Variants in CHCHD3 observed in about 807,000 individuals in gnomAD.
CHCHD3 encodes the protein coiled-coil-helix-coiled-coil-helix domain containing 3.
CHCHD3 carries 20 observed loss-of-function variants against 38.2 expected under a neutral mutation model. The observed-to-expected ratio is 0.52, with a 90% confidence interval of 0.37 to 0.76. The LOEUF (loss-of-function observed/expected upper bound fraction) is 0.76, where lower values mean the gene tolerates loss of function less well. CHCHD3 is among the 30% of genes least tolerant of loss of function. The probability of loss-of-function intolerance (pLI) is 0.00; values close to 1 mark genes in which losing one functional copy is unlikely to be tolerated. For missense variants in CHCHD3, 245 were observed against 279.2 expected, an observed-to-expected ratio of 0.88 and a Z score of 0.87; for synonymous variants, 82 against 100.0, an observed-to-expected ratio of 0.82 and a Z score of 1.07.
At chr7:132,895,760 C>G (rs1158152415) in intron 4 of CHCHD3, among the ~76,000 whole-genome samples, 5 of 152,172 alleles carry the variant, frequency 3.3e-5, no homozygotes, top group African/African-American at 1.2e-4. Flanking sequence ...GTGAGGTCTC[C>G]CCAGCTATGT....
chr7:132,812,739 T>C (rs1441791760), intron 6 of CHCHD3, among the ~76,000 whole-genome samples: 3 of 152,124 alleles, frequency 2.0e-5, no homozygotes, highest in Non-Finnish European at 4.4e-5. Flanking sequence ...TCTTCAAGAT[T>C]TCCTACCTCT....
chr7:133,043,069 T>C (rs748875582), intron 2 of CHCHD3, among the ~76,000 whole-genome samples: 1 of 152,090 alleles, frequency 6.6e-6, no homozygotes, highest in Non-Finnish European at 1.5e-5. Context: ...GGTTTCATTA[T>C]GTTGTCCAGG....
chr7:133,021,956 G>A (rs996617863), intron 3 of CHCHD3, among the ~76,000 whole-genome samples: 4 of 151,838 alleles, frequency 2.6e-5, no homozygotes, highest in African/African-American at 4.8e-5. Flanking sequence ...GTGTGGTGGC[G>A]GGCGCCTGTA....
chr7:132,999,423 G>C (rs1348074995), intron 3 of CHCHD3, among the ~76,000 whole-genome samples: 1 of 152,114 alleles, frequency 6.6e-6, no homozygotes, highest in Non-Finnish European at 1.5e-5. Context: ...TCTGTTTATT[G>C]AGCACCTACA....
At chr7:132,915,226 G>A (rs4731919) in intron 4 of CHCHD3, among the ~76,000 whole-genome samples, 108,408 of 151,928 alleles carry the variant, frequency 0.71, 38,822 homozygotes, top group African/African-American at 0.75. Context: ...GGAAGAGAGC[G>A]GCAAGGATTT....
intron 4 of CHCHD3, among the ~76,000 whole-genome samples, chr7:132,916,887 C>A (rs1244647781): frequency 6.6e-6 from 1 of 152,056 alleles, no homozygotes; most frequent in Non-Finnish European, 1.5e-5. Flanking sequence ...GGCTACTATC[C>A]CTAATTTATA....
chr7:132,810,554 C>T (rs1020050300), intron 6 of CHCHD3, among the ~76,000 whole-genome samples: 4 of 152,228 alleles, frequency 2.6e-5, no homozygotes, highest in South Asian at 2.1e-4. Flanking sequence ...AGACCAACTA[C>T]GAAGTATAGA....
intron 2 of CHCHD3, among the ~76,000 whole-genome samples, chr7:133,063,715 T>A (rs1323585921): frequency 6.6e-6 from 1 of 152,184 alleles, no homozygotes; most frequent in African/African-American, 2.4e-5. Context: ...GTTACTAATA[T>A]CTGGGTATAT....
intron 4 of CHCHD3, 73 bp downstream of exon 4, chr7:132,975,096 G>A: frequency 1.7e-6 from 2 of 1,145,252 alleles, no homozygotes; most frequent in Non-Finnish European, 2.6e-6. Flanking sequence ...CTGGCACAGA[G>A]TACTTAGCTC....
At chr7:132,932,400 A>C (rs1810535003) in intron 4 of CHCHD3, among the ~76,000 whole-genome samples, 1 of 152,222 alleles carries the variant, frequency 6.6e-6, no homozygotes, top group South Asian at 2.1e-4. Context: ...ACAGTGTGGA[A>C]TCAAACAGCA....
intron 2 of CHCHD3, among the ~76,000 whole-genome samples, chr7:133,068,888 T>G (rs763884020): frequency 1.6e-4 from 25 of 152,070 alleles, no homozygotes; most frequent in Non-Finnish European, 3.1e-4. Flanking sequence ...ATATGTCAAG[T>G]TGAGGAATCT....
At chr7:132,885,776 C>A (rs199500967) in intron 4 of CHCHD3, 31 bp from the exon 5 acceptor site, 7 of 1,474,548 alleles carry the variant, frequency 4.7e-6, no homozygotes, top group Non-Finnish European at 6.4e-6. Context: ...TATACTATAT[C>A]AAGAAAAAGC....
chr7:133,077,675 C>T (rs1315273010), intron 1 of CHCHD3, among the ~76,000 whole-genome samples: 1 of 152,202 alleles, frequency 6.6e-6, no homozygotes, highest in Admixed American at 6.5e-5. Context: ...CACAAAAATC[C>T]TATCAACCAC....
chr7:132,930,016 A>G (rs1810478088), intron 4 of CHCHD3, among the ~76,000 whole-genome samples: 1 of 152,114 alleles, frequency 6.6e-6, no homozygotes, highest in African/African-American at 2.4e-5. Context: ...CTCATTACAT[A>G]CCCTTGGAAT....
chr7:132,932,623 G>A (rs797021866), intron 4 of CHCHD3, among the ~76,000 whole-genome samples: 33 of 152,320 alleles, frequency 2.2e-4, no homozygotes, highest in African/African-American at 7.2e-4. Flanking sequence ...GGGCCTTCAC[G>A]TCAAAGGCAG....
chr7:133,020,488 G>T (rs1813149469), intron 3 of CHCHD3, among the ~76,000 whole-genome samples: 1 of 152,196 alleles, frequency 6.6e-6, no homozygotes, highest in South Asian at 2.1e-4. Flanking sequence ...TCTGCATTAA[G>T]TAGAAGGTAA....
At chr7:132,829,555 G>T (rs1807588379) in intron 6 of CHCHD3, among the ~76,000 whole-genome samples, 1 of 152,126 alleles carries the variant, frequency 6.6e-6, no homozygotes, top group Non-Finnish European at 1.5e-5. Context: ...TCATTTACAT[G>T]TTTACACATA....
At chr7:132,982,500 G>A (rs550526487) in intron 3 of CHCHD3, among the ~76,000 whole-genome samples, 2 of 152,308 alleles carry the variant, frequency 1.3e-5, no homozygotes, top group South Asian at 4.1e-4. Context: ...GGCCAGGCTG[G>A]TCTTGAACTC....
At chr7:133,001,395 A>C (rs1465422494) in intron 3 of CHCHD3, among the ~76,000 whole-genome samples, 2 of 152,214 alleles carry the variant, frequency 1.3e-5, no homozygotes, top group Non-Finnish European at 2.9e-5. Flanking sequence ...AGGGCCTCCA[A>C]GCCCTTGAAA....
Sources: allele counts gnomAD v4.1 joint callset (sites outside exome capture counted in the v4.1 genomes callset), GRCh38; gene constraint gnomAD v4.1.1; transcripts MANE v1.5; gene names NCBI Gene and HGNC (gene_info 2026-07-23, HGNC 2026-07-21).